The following CSMD1 variants were observed in gnomAD, a reference collection of about 807,000 sequenced individuals.
CSMD1 encodes CUB and sushi domain-containing protein 1.
A neutral mutation model predicts 417.5 loss-of-function variants in CSMD1; 213 were observed. The observed-to-expected ratio is 0.51, with a 90% CI of 0.46 to 0.57. CSMD1 has a LOEUF of 0.57. CSMD1 is among the 20% of genes least tolerant of loss of function. CSMD1 has a pLI of 0.00. For synonymous variants in CSMD1, 2,862 were observed against 1,736.8 expected (o/e 1.65, Z -16.11); for missense variants, 6,923 against 4,529.7 (o/e 1.53, Z -15.17).
rs117319193 is a variant in CSMD1, at chr8:3,543,046, C to T, written c.1344+31899G>A. Among the ~76,000 whole-genome samples the T allele has an allele frequency of 9.4e-3, 1,438 of 152,274 alleles. 11 individuals are homozygous for T. The highest frequency in any genetic ancestry group is 0.015 in the Non-Finnish European group (995 of 68,026). ...TGCTGTTTGTGGGTGTGTTCTGTCTCGCTGGGCTCAGACAAGTTGACAACC... is the reference window on the plus strand; with the variant it reads ...TGCTGTTTGTGGGTGTGTTCTGTCTTGCTGGGCTCAGACAAGTTGACAACC... On this transcript the variant is annotated intron_variant, in intron 10 of 69. Coordinates refer to ENST00000635120, the MANE Select transcript of CSMD1 (RefSeq NM_033225.6).
intron 5 of CSMD1, among the ~76,000 whole-genome samples, chr8:3,840,322 G>A (rs1406919358): frequency 6.6e-6 from 1 of 152,106 alleles, no homozygotes; most frequent in African/African-American, 2.4e-5. Flanking sequence ...CTAGCATCTC[G>A]CTGTCCTGTT....
At chr8:3,251,691 C>T (rs1800275618) in intron 26 of CSMD1, among the ~76,000 whole-genome samples, 1 of 152,156 alleles carries the variant, frequency 6.6e-6, no homozygotes, top group Admixed American at 6.5e-5. Context: ...TCTTCCTACC[C>T]ATGAGCATGG....
chr8:3,256,736 G>A (rs551431399), intron 26 of CSMD1, among the ~76,000 whole-genome samples: 39 of 152,302 alleles, frequency 2.6e-4, no homozygotes, highest in African/African-American at 8.2e-4. Context: ...ATGTCTGCAT[G>A]TTTAAATCCT....
intron 68 of CSMD1, among the ~76,000 whole-genome samples, chr8:2,944,762 A>AAC (rs1802104211): frequency 1.3e-5 from 2 of 152,298 alleles, no homozygotes; most frequent in East Asian, 3.9e-4. Flanking sequence ...TACGATGCCA[A>AAC]ACATTGATCT....
intron 30 of CSMD1, among the ~76,000 whole-genome samples, chr8:3,213,577 A>G (rs541059801): frequency 3.5e-4 from 54 of 152,228 alleles, no homozygotes; most frequent in African/African-American, 1.3e-3. Flanking sequence ...AAGGAATTAC[A>G]AACTATTGCT....
intron 7 of CSMD1, among the ~76,000 whole-genome samples, chr8:3,701,164 TC>T (rs1800843783): frequency 6.6e-6 from 1 of 151,896 alleles, no homozygotes; most frequent in African/African-American, 2.4e-5. Context: ...TCAACGTGAC[TC>T]CCAAGTAAGC....
intron 12 of CSMD1, among the ~76,000 whole-genome samples, chr8:3,427,531 C>G (rs561061806): frequency 2.0e-5 from 3 of 151,856 alleles, no homozygotes; most frequent in Non-Finnish European, 2.9e-5. Context: ...GTAAAAAGAA[C>G]CTTCTTCATC....
At chr8:4,948,661 G>A (rs1054355067) in intron 1 of CSMD1, among the ~76,000 whole-genome samples, 2 of 151,802 alleles carry the variant, frequency 1.3e-5, no homozygotes, top group Non-Finnish European at 2.9e-5. Context: ...ATGTTGCTAG[G>A]TTGCTAAACT....
At chr8:3,442,678 T>C (rs905254275) in intron 12 of CSMD1, among the ~76,000 whole-genome samples, 2 of 152,196 alleles carry the variant, frequency 1.3e-5, no homozygotes, top group East Asian at 1.9e-4. Flanking sequence ...TAACAACACA[T>C]CTCAGAACGT....
intron 1 of CSMD1, among the ~76,000 whole-genome samples, chr8:4,970,750 T>C (rs993781518): frequency 6.6e-6 from 1 of 152,156 alleles, no homozygotes; most frequent in Admixed American, 6.6e-5. Flanking sequence ...CCGTGGTTCT[T>C]TTTTTGACAA....
chr8:4,817,415 A>G (rs577782895), intron 1 of CSMD1, among the ~76,000 whole-genome samples: 2 of 152,376 alleles, frequency 1.3e-5, no homozygotes, highest in South Asian at 4.1e-4. Flanking sequence ...TCTCTGGCAC[A>G]GCACAGCAAG....
chr8:3,948,010 A>C (rs887867679), intron 5 of CSMD1, among the ~76,000 whole-genome samples: 3 of 152,230 alleles, frequency 2.0e-5, no homozygotes, highest in Non-Finnish European at 2.9e-5. Context: ...GTTCGAGACC[A>C]GCCTGGCCAA....
intron 3 of CSMD1, among the ~76,000 whole-genome samples, chr8:4,217,973 G>C (rs951759299): frequency 1.3e-5 from 2 of 152,178 alleles, no homozygotes; most frequent in Admixed American, 6.5e-5. Flanking sequence ...ATGGTAGTTG[G>C]TGGGAAACAG....
intron 8 of CSMD1, among the ~76,000 whole-genome samples, chr8:3,613,708 C>CAA (rs1486212939): frequency 1.0e-5 from 1 of 96,332 alleles, no homozygotes. Flanking sequence ...TTAAAACACA[C>CAA]ACACACACAC....
chr8:3,617,950 G>T (rs1015781924), intron 7 of CSMD1, among the ~76,000 whole-genome samples: 32 of 152,274 alleles, frequency 2.1e-4, no homozygotes, highest in African/African-American at 7.7e-4. Flanking sequence ...TGGAACTCGT[G>T]AAGCATTTGA....
intron 5 of CSMD1, among the ~76,000 whole-genome samples, chr8:3,862,417 C>T (rs1047739398): frequency 6.6e-6 from 1 of 152,034 alleles, no homozygotes; most frequent in Non-Finnish European, 1.5e-5. Context: ...TCTCACTTGT[C>T]TTTCATTACA....
chr8:4,051,721 CAGGGATTAAAGAAAGGCAAAG>C (rs1226092151), intron 3 of CSMD1, among the ~76,000 whole-genome samples: 1 of 152,098 alleles, frequency 6.6e-6, no homozygotes, highest in Admixed American at 6.5e-5. Flanking sequence ...AGAAGGCAAG[CAGGGATTAAAGAAAGGCAAAG>C]AAACACCACT....
intron 3 of CSMD1, among the ~76,000 whole-genome samples, chr8:4,267,716 C>T (rs950067385): frequency 6.6e-6 from 1 of 152,006 alleles, no homozygotes; most frequent in East Asian, 1.9e-4. Flanking sequence ...ACATCCTCAC[C>T]AAAGTTCTGA....
chr8:3,857,377 A>G (rs1257078541), intron 5 of CSMD1, among the ~76,000 whole-genome samples: 1 of 152,212 alleles, frequency 6.6e-6, no homozygotes, highest in East Asian at 1.9e-4. Context: ...TAAGATTTAA[A>G]GAGATTGGCC....
Sources: gnomAD v4.1 joint callset for allele counts (sites outside exome capture counted in the v4.1 genomes callset) on GRCh38, gnomAD v4.1.1 for gene constraint, MANE v1.5 for transcripts, NCBI Gene and HGNC (gene_info 2026-07-23, HGNC 2026-07-21) for gene names.